ADAM19: variants seen among roughly 807,000 people sequenced by gnomAD.
ADAM19 encodes ADAM metallopeptidase domain 19.
ADAM19 carries 65 observed loss-of-function variants against 114.7 expected under a neutral mutation model. That is an observed-to-expected ratio of 0.57 (90% CI 0.46 to 0.70). The LOEUF is 0.70. ADAM19 is among the 30% of genes least tolerant of loss of function. The pLI, the probability that ADAM19 is intolerant of heterozygous loss-of-function variation, is 0.00. For synonymous variants in ADAM19, 466 were observed against 460.5 expected, an observed-to-expected ratio of 1.01 and a Z score of -0.15; for missense variants, 1,063 against 1,204.7, an observed-to-expected ratio of 0.88 and a Z score of 1.74.
Position 157,515,269 on chromosome 5 carries a change from G to A in ADAM19, c.667-1764C>T, listed in dbSNP as rs140884625. On this transcript the variant is annotated intron_variant, in intron 7 of 22. Transcript: ENST00000257527. ...AAATTGGTCTCTCGGCACAGACAGC[G>A]TTGCAGCATTTCCATTCATTTAGTA... Among the ~76,000 whole-genome samples, 100 of 152,298 alleles carry A rather than the reference G, an allele frequency of 6.6e-4. No individual in the cohort carries two copies. In the East Asian group the frequency reaches 0.018, roughly 27 times the overall value.
intron 13 of ADAM19, 124 bp downstream of exon 13, chr5:157,499,449 T>G (rs796568344): frequency 1.2e-6 from 1 of 817,422 alleles, no homozygotes; most frequent in Non-Finnish European, 2.1e-6. Flanking sequence ...TCTGTGTTTC[T>G]GAAACTCTGT....
At chr5:157,559,124 T>C (rs1300044701) in intron 3 of ADAM19, among the ~76,000 whole-genome samples, 3 of 152,188 alleles carry the variant, frequency 2.0e-5, no homozygotes, top group African/African-American at 7.2e-5. Flanking sequence ...GCCTTGACAA[T>C]TGCTGTTCCC....
Position 157,477,845 on chromosome 5 carries a change from T to TTTTTTA in ADAM19, c.*3103_*3104insTAAAAA. 3.1e-6 allele frequency: 2 copies of TTTTTTA among 635,780 alleles called. No individual in the cohort carries two copies. Among genetic ancestry groups the TTTTTTA allele is most frequent in the East Asian group, 6.9e-5 (1 of 14,588 alleles). The allele number at this position is 635,780 out of a possible 1,614,324, so 39.4% of individuals were successfully genotyped here. ...GGCTATTGCTTCAGGGGGAAGGGAC[T>TTTTTTA]ATGGCAATACAAAAAAACACTCCAA... On this transcript the variant is annotated 3_prime_UTR_variant, in exon 23 of 23. Coordinates refer to ENST00000257527, the MANE Select transcript of ADAM19 (RefSeq NM_033274.5).
intron 21 of ADAM19, among the ~76,000 whole-genome samples, chr5:157,483,214 A>T (rs1030416770): frequency 2.0e-5 from 3 of 152,196 alleles, no homozygotes; most frequent in Non-Finnish European, 4.4e-5. Context: ...TATAATAAAA[A>T]AAATTACAAA....
intron 3 of ADAM19, among the ~76,000 whole-genome samples, chr5:157,540,684 C>T (rs1182726698): frequency 1.3e-5 from 2 of 152,196 alleles, no homozygotes; most frequent in African/African-American, 4.8e-5. Flanking sequence ...AACTCGCAAA[C>T]GAATGAATGA....
At chr5:157,485,754 G>C (rs759268511) in intron 21 of ADAM19, among the ~76,000 whole-genome samples, 8 of 152,192 alleles carry the variant, frequency 5.3e-5, no homozygotes, top group African/African-American at 1.2e-4. Context: ...CTCACAGCCT[G>C]GTTAAGTCCT....
intron 5 of ADAM19, among the ~76,000 whole-genome samples, chr5:157,529,585 C>T (rs1027545355): frequency 1.3e-5 from 2 of 152,154 alleles, no homozygotes; most frequent in Non-Finnish European, 2.9e-5. Flanking sequence ...TGCTGCATTT[C>T]GAACAAGCTC....
At chr5:157,544,847 G>A (rs1314667654) in intron 3 of ADAM19, among the ~76,000 whole-genome samples, 1 of 152,164 alleles carries the variant, frequency 6.6e-6, no homozygotes, top group South Asian at 2.1e-4. Context: ...GATCAGATTA[G>A]CCGATACCAC....
At chr5:157,497,235 C>A in intron 13 of ADAM19, 146 bp from the exon 14 acceptor site, 1 of 656,156 alleles carries the variant, frequency 1.5e-6, no homozygotes, top group Non-Finnish European at 2.3e-6. Flanking sequence ...CTCATTAGCC[C>A]AAACCACCTT....
chr5:157,552,441 T>C (rs914576261), intron 3 of ADAM19, among the ~76,000 whole-genome samples: 2 of 151,796 alleles, frequency 1.3e-5, no homozygotes, highest in Admixed American at 6.6e-5. Flanking sequence ...TGCCTGAGCT[T>C]AGGAGTTCAA....
Position 157,570,964 on chromosome 5 carries a change from G to A in ADAM19, c.111C>T (p.Gly37=). The A allele has an allele frequency of 6.2e-7, 1 of 1,614,050 alleles. No homozygotes were observed. Among genetic ancestry groups the A allele is most frequent in the Non-Finnish European group, 8.5e-7 (1 of 1,179,980 alleles). Residue 37 remains glycine, a synonymous_variant, in exon 2 of 23, where the codon GGC becomes GGT. Coordinates refer to ENST00000257527, the MANE Select transcript of ADAM19 (RefSeq NM_033274.5). ...TAAGTTCATGCTGCAGCTTGGGGCT[G>A]CCTTCCTCACTTCCTCCTGCCAATA... The part of the protein sequence containing the change: ...EPGWTRGSEE[G]SPKLQHELII...
chr5:157,559,806 G>A (rs972346187), intron 3 of ADAM19, among the ~76,000 whole-genome samples: 1 of 152,074 alleles, frequency 6.6e-6, no homozygotes, highest in Middle Eastern at 3.2e-3. Context: ...CTGAACCTGC[G>A]GGTTCTGACC....
chr5:157,562,631 A>G (rs540351882), intron 3 of ADAM19, among the ~76,000 whole-genome samples: 1 of 152,342 alleles, frequency 6.6e-6, no homozygotes, highest in South Asian at 2.1e-4. Context: ...CACCAAGAAT[A>G]CACATGATCC....
intron 7 of ADAM19, among the ~76,000 whole-genome samples, chr5:157,517,042 C>T (rs1202156428): frequency 1.3e-5 from 2 of 152,146 alleles, no homozygotes; most frequent in Non-Finnish European, 2.9e-5. Context: ...AATGTTCCCT[C>T]GGCCCGGAAT....
At chr5:157,514,430 G>A (rs976192178) in intron 7 of ADAM19, among the ~76,000 whole-genome samples, 37 of 151,418 alleles carry the variant, frequency 2.4e-4, no homozygotes, top group African/African-American at 8.3e-4. Context: ...GGGTTCAAGC[G>A]ATTCTCCTGC....
intron 3 of ADAM19, among the ~76,000 whole-genome samples, chr5:157,538,513 T>C (rs1024782742): frequency 5.9e-5 from 9 of 152,240 alleles, no homozygotes; most frequent in African/African-American, 1.9e-4. Context: ...AGTGGAGAGA[T>C]ACTGCCAGGT....
intron 5 of ADAM19, among the ~76,000 whole-genome samples, chr5:157,528,264 T>C (rs1296959955): frequency 1.3e-5 from 2 of 152,150 alleles, no homozygotes; most frequent in African/African-American, 4.8e-5. Flanking sequence ...CAGGTGGACC[T>C]CACCAGACGG....
intron 7 of ADAM19, among the ~76,000 whole-genome samples, chr5:157,513,734 T>C (rs577170068): frequency 2.9e-4 from 44 of 152,314 alleles, no homozygotes; most frequent in African/African-American, 8.9e-4. Flanking sequence ...ACAGTAGGCA[T>C]GCAATAATTA....
chr5:157,547,574 G>A (rs954043252), intron 3 of ADAM19, among the ~76,000 whole-genome samples: 1 of 152,178 alleles, frequency 6.6e-6, no homozygotes, highest in Non-Finnish European at 1.5e-5. Context: ...TGTTGGACTT[G>A]CCAGCCAGCA....
Sources: gnomAD v4.1 joint callset for allele counts (sites outside exome capture counted in the v4.1 genomes callset) on GRCh38, gnomAD v4.1.1 for gene constraint, MANE v1.5 for transcripts, NCBI Gene and HGNC (gene_info 2026-07-23, HGNC 2026-07-21) for gene names.